Variants in KANK1 observed in about 807,000 individuals in gnomAD.
KANK1 encodes the protein KN motif and ankyrin repeat domains 1.
Under a neutral mutation model 106.2 loss-of-function variants are expected in KANK1, and 109 were observed. The observed-to-expected ratio is 1.03, with a 90% CI of 0.88 to 1.20. The LOEUF is 1.20. Ranked by LOEUF, KANK1 falls within the 50% of genes most tolerant of loss-of-function variation. The pLI, the probability that KANK1 is intolerant of heterozygous loss-of-function variation, is 0.00. For missense variants in KANK1, 2,399 were observed against 1,710.7 expected (o/e 1.40, Z -7.10); for synonymous variants, 873 against 652.2 (o/e 1.34, Z -5.16).
At chr9:593,207 C>G (rs1412767442) in intron 1 of KANK1, among the ~76,000 whole-genome samples, 1 of 151,752 alleles carries the variant, frequency 6.6e-6, no homozygotes. Context: ...ACCATGTGTT[C>G]CAGTTTTTGG....
chr9:595,687 G>A (rs1253698230), intron 1 of KANK1, among the ~76,000 whole-genome samples: 1 of 151,536 alleles, frequency 6.6e-6, no homozygotes, highest in Non-Finnish European at 1.5e-5. Flanking sequence ...CACCACATCT[G>A]GCTAATTTAT....
chr9:705,660 G>A (rs1484987517), intron 2 of KANK1, among the ~76,000 whole-genome samples: 1 of 151,724 alleles, frequency 6.6e-6, no homozygotes, highest in East Asian at 2.0e-4. Flanking sequence ...TGCAATGTGT[G>A]TGATCTTGGC....
At chr9:599,979 G>C (rs1023219695) in intron 1 of KANK1, among the ~76,000 whole-genome samples, 2 of 151,730 alleles carry the variant, frequency 1.3e-5, no homozygotes, top group Non-Finnish European at 2.9e-5. Flanking sequence ...GTATGTCCAT[G>C]TAAGTCTTTA....
Position 691,459 on chromosome 9 carries a change from C to T in KANK1, c.37+14450C>T, listed in dbSNP as rs912207994. The stretch of plus-strand genomic sequence containing the variant: ...TTTTTTTAATAGAGACAAGGTCTCA[C>T]TATTTTGCTTAGGCTGGTCTCAAAC... On this transcript the variant is annotated intron_variant, in intron 2 of 11. Transcript: ENST00000382297. Among the ~76,000 whole-genome samples, 3 of 150,872 alleles carry T rather than the reference C, an allele frequency of 2.0e-5. No individual in the cohort carries two copies. In the East Asian group the frequency reaches 5.8e-4, roughly 29 times the overall value.
intron 1 of KANK1, among the ~76,000 whole-genome samples, chr9:532,594 A>C (rs536691604): frequency 6.6e-6 from 1 of 151,850 alleles, no homozygotes; most frequent in Non-Finnish European, 1.5e-5. Flanking sequence ...TTTTATTTTT[A>C]AATTTAGACA....
chr9:658,011 C>G lies in KANK1; in HGVS notation c.-83-18879C>G, dbSNP rs78968127. On this transcript the variant is annotated intron_variant, in intron 1 of 11. Coordinates refer to ENST00000382297, the MANE Select transcript of KANK1 (RefSeq NM_015158.5). Reference sequence around the variant, plus strand: ...TGTCTCAGCCTCACAAGTACTGGGACTACAGGCATGAACCACCATACCCAG... The same window carrying G: ...TGTCTCAGCCTCACAAGTACTGGGAGTACAGGCATGAACCACCATACCCAG... Among the ~76,000 whole-genome samples, 48 of 151,904 alleles carry G rather than the reference C, an allele frequency of 3.2e-4. No individual in the cohort carries two copies. The East Asian group carries it at 8.5e-3, about 27-fold the overall frequency.
At position 712,252 on chromosome 9, in the gene KANK1, G is replaced by A; in HGVS notation, c.1486G>A (p.Gly496Arg). The stretch of plus-strand genomic sequence containing the variant: ...ACTGAAACAAGAGCTGCAGGCTGCT[G>A]GATCGAGGAAAAAGGTTGACAAAGC... Reference protein sequence around the residue: ...TKLKQELQAAGSRKKVDKATM... With the variant: ...TKLKQELQAARSRKKVDKATM... Residue 496 changes from glycine to arginine, a missense_variant, in exon 3 of 12, where the codon GGA (glycine) becomes AGA (arginine). Physicochemically the swap from Gly to Arg is moderately radical, Grantham distance 125 (BLOSUM62 -2). Transcript: ENST00000382297. 6.2e-7 allele frequency: 1 copy of A among 1,613,940 alleles called. No homozygotes were observed. The highest frequency in any genetic ancestry group is 1.3e-5 in the African/African-American group (1 of 75,046).
At chr9:724,145 G>A (rs891474747) in intron 3 of KANK1, among the ~76,000 whole-genome samples, 2 of 152,118 alleles carry the variant, frequency 1.3e-5, no homozygotes, top group Non-Finnish European at 2.9e-5. Context: ...ACTGGATTAT[G>A]TGATAATCAT....
In KANK1 at chr9:704,253, G is replaced by T. The variant is rs116019066; in HGVS notation, c.38-6551G>T. Among the ~76,000 whole-genome samples, 1,084 of 152,264 alleles carry T rather than the reference G, an allele frequency of 7.1e-3. 22 individuals carry two copies. The highest frequency in any genetic ancestry group is 0.025 in the African/African-American group (1,024 of 41,534). On this transcript the variant is annotated intron_variant, in intron 2 of 11. Transcript: ENST00000382297. Reference sequence around the variant, plus strand: ...ACCTTTATATCTTTTTCACTTAAAAGTATAGAGGTAGGCTTTTTAGAAATG... The same window carrying T: ...ACCTTTATATCTTTTTCACTTAAAATTATAGAGGTAGGCTTTTTAGAAATG...
At chr9:503,278 C>A (rs114431389), upstream of KANK1, among the ~76,000 whole-genome samples, 452 of 152,160 alleles carry the variant, frequency 3.0e-3, 5 homozygotes, top group African/African-American at 0.01. Context: ...AAAATATCTA[C>A]TGCATCCAAA....
At chr9:577,281 T>G (rs1401655171) in intron 1 of KANK1, among the ~76,000 whole-genome samples, 1 of 152,174 alleles carries the variant, frequency 6.6e-6, no homozygotes, top group Non-Finnish European at 1.5e-5. Context: ...TGGCCCATTT[T>G]ACAGAGAGCT....
chr9:574,559 G>T (rs542465151), intron 1 of KANK1, among the ~76,000 whole-genome samples: 2 of 152,186 alleles, frequency 1.3e-5, no homozygotes, highest in African/African-American at 4.8e-5. Flanking sequence ...TGTAATGTTT[G>T]AAAATATTCT....
chr9:695,822 G>A (rs1027540604), intron 2 of KANK1, among the ~76,000 whole-genome samples: 17 of 152,132 alleles, frequency 1.1e-4, no homozygotes, highest in African/African-American at 3.6e-4. Context: ...CTGCAAAGCA[G>A]CAGAGCCAGG....
chr9:544,249 G>A (rs1225097595), intron 1 of KANK1, among the ~76,000 whole-genome samples: 1 of 151,984 alleles, frequency 6.6e-6, no homozygotes, highest in Non-Finnish European at 1.5e-5. Context: ...TCGAACTCCT[G>A]GAATCAAGCA....
At chr9:530,946 A>G (rs961981927) in intron 1 of KANK1, among the ~76,000 whole-genome samples, 2 of 152,306 alleles carry the variant, frequency 1.3e-5, no homozygotes, top group East Asian at 3.9e-4. Flanking sequence ...ACAGAGTGAG[A>G]CAACATCTCA....
At chr9:572,315 C>T (rs1446879028) in intron 1 of KANK1, among the ~76,000 whole-genome samples, 6 of 151,866 alleles carry the variant, frequency 4.0e-5, no homozygotes, top group Non-Finnish European at 7.4e-5. Context: ...GCTGCCATAC[C>T]CAGCTATTTC....
chr9:634,414 G>A (rs1046969919), intron 1 of KANK1, among the ~76,000 whole-genome samples: 1 of 152,182 alleles, frequency 6.6e-6, no homozygotes, highest in East Asian at 1.9e-4. Context: ...AGTCTGACAA[G>A]CATCTCAAAA....
chr9:744,311 A>ATCTTCAC (rs1366533436), intron 10 of KANK1, among the ~76,000 whole-genome samples, 180 bp from the exon 11 acceptor site: 1 of 152,200 alleles, frequency 6.6e-6, no homozygotes, highest in Non-Finnish European at 1.5e-5. Flanking sequence ...TGCCTCATTC[A>ATCTTCAC]TCTTCACATC....
chr9:600,204 C>T (rs73639379), intron 1 of KANK1, among the ~76,000 whole-genome samples: 11,462 of 151,624 alleles, frequency 0.076, 1,349 homozygotes, highest in East Asian at 0.24. Context: ...ACTCCCCACC[C>T]CCCTCTTCCC....
Sources: gnomAD v4.1 joint callset for allele counts (sites outside exome capture counted in the v4.1 genomes callset) on GRCh38, gnomAD v4.1.1 for gene constraint, MANE v1.5 for transcripts, NCBI Gene and HGNC (gene_info 2026-07-23, HGNC 2026-07-21) for gene names.